The following MCF2L2 variants were observed in gnomAD, a reference collection of about 807,000 sequenced individuals.
The protein encoded by MCF2L2 is MCF.2 cell line derived transforming sequence-like 2, also known as probable guanine nucleotide exchange factor MCF2L2.
A neutral mutation model predicts 150.2 loss-of-function variants in MCF2L2; 102 were observed. The observed-to-expected ratio is 0.68, with a 90% CI of 0.58 to 0.80. The LOEUF (loss-of-function observed/expected upper bound fraction) is 0.80, where lower values mean the gene tolerates loss of function less well. Ranked by LOEUF, MCF2L2 falls within the 30% of genes least tolerant of loss-of-function variation. The pLI is 0.00. For missense variants in MCF2L2, 1,256 were observed against 1,372.8 expected (o/e 0.91, Z 1.34); for synonymous variants, 465 against 491.3 (o/e 0.95, Z 0.71).
intron 1 of MCF2L2, among the ~76,000 whole-genome samples, chr3:183,396,066 A>G (rs1714436151): frequency 6.7e-6 from 1 of 150,236 alleles, no homozygotes; most frequent in Non-Finnish European, 1.5e-5. Flanking sequence ...CCCCATGAAC[A>G]TATGTATTAA....
chr3:183,351,506 G>T (rs376536765), intron 3 of MCF2L2, among the ~76,000 whole-genome samples: 3 of 151,832 alleles, frequency 2.0e-5, no homozygotes, highest in African/African-American at 7.3e-5. Flanking sequence ...AGAAGTTCCT[G>T]GGACACATTA....
At chr3:183,220,217 G>A (rs572087372) in intron 20 of MCF2L2, among the ~76,000 whole-genome samples, 2 of 151,378 alleles carry the variant, frequency 1.3e-5, no homozygotes, top group African/African-American at 4.8e-5. Flanking sequence ...CTTTGATTGT[G>A]GTAGAGTGTT....
intron 22 of MCF2L2, among the ~76,000 whole-genome samples, chr3:183,210,002 A>G (rs556197305): frequency 1.3e-5 from 2 of 152,166 alleles, no homozygotes; most frequent in African/African-American, 2.4e-5. Flanking sequence ...TCAAACTTGT[A>G]GTTTCTATCT....
chr3:183,250,579 T>G (rs1316283290), intron 15 of MCF2L2, among the ~76,000 whole-genome samples: 1 of 150,024 alleles, frequency 6.7e-6, no homozygotes, highest in African/African-American at 2.5e-5. Context: ...AGAGCGATAC[T>G]TCGTTTCAAA....
chr3:183,184,000 CTGTTT>C (rs574651965), intron 27 of MCF2L2, among the ~76,000 whole-genome samples: 104 of 152,150 alleles, frequency 6.8e-4, no homozygotes, highest in African/African-American at 2.4e-3. Context: ...TATAGCAAAA[CTGTTT>C]TGTTTTGTTT....
intron 3 of MCF2L2, among the ~76,000 whole-genome samples, chr3:183,348,206 G>A (rs55733329): frequency 0.067 from 10,196 of 152,218 alleles, 791 homozygotes; most frequent in African/African-American, 0.19. Context: ...ATACACCATA[G>A]AATACTATGC....
chr3:183,367,789 CA>C (rs924309530), intron 3 of MCF2L2, among the ~76,000 whole-genome samples: 1 of 151,946 alleles, frequency 6.6e-6, no homozygotes, highest in African/African-American at 2.4e-5. Flanking sequence ...ATGTAACTAA[CA>C]AAAATGAGAG....
At position 183,179,660 on chromosome 3, in the gene MCF2L2, G is replaced by A. The variant is rs752239054; in HGVS notation, c.3138C>T (p.His1046=). Residue 1046 remains histidine, a synonymous_variant, in exon 29 of 30, where the codon CAC becomes CAT. Transcript: ENST00000328913. The surrounding 1 kb of genome is among the most constrained non-coding windows in gnomAD (Gnocchi z 4.2). ...LAGLFQSDDS[H]ETCSSKSAFL... is the part of the protein sequence containing the mutation. ...AAGCAGATTTGGAGGAACAGGTTTC[G>A]TGACTGTCGTCCGACTGGAAAAGGC... is the stretch of plus-strand genomic sequence containing the variant. 3 of 1,614,080 alleles carry A rather than the reference G, an allele frequency of 1.9e-6. No homozygotes were observed. Among genetic ancestry groups the A allele is most frequent in the South Asian group, 2.2e-5 (2 of 91,072 alleles).
At chr3:183,309,666 T>C (rs1418381966) in intron 10 of MCF2L2, 50 bp downstream of exon 10, 3 of 1,611,908 alleles carry the variant, frequency 1.9e-6, no homozygotes, top group African/African-American at 1.3e-5. Flanking sequence ...TGATCCATCA[T>C]TGTCCACAGC....
At chr3:183,301,123 C>T in intron 10 of MCF2L2, among the ~76,000 whole-genome samples, 1 of 151,730 alleles carries the variant, frequency 6.6e-6, no homozygotes, top group Admixed American at 6.6e-5. Flanking sequence ...TTTCCTACCT[C>T]TTTCTGCATG....
intron 1 of MCF2L2, among the ~76,000 whole-genome samples, chr3:183,403,780 TGTTCATAA>T (rs1714896672): frequency 6.6e-6 from 1 of 152,152 alleles, no homozygotes; most frequent in Admixed American, 6.5e-5. Context: ...GGTAAATAAA[TGTTCATAA>T]GGCATGAGAG....
chr3:183,200,307 A>C (rs11923987), intron 25 of MCF2L2, among the ~76,000 whole-genome samples: 3 of 151,936 alleles, frequency 2.0e-5, no homozygotes, highest in South Asian at 4.1e-4. Context: ...GACTTTTTAA[A>C]GATTGCCTTT....
intron 16 of MCF2L2, 88 bp from the exon 17 acceptor site, chr3:183,229,869 T>G (rs1240568437): frequency 6.9e-6 from 4 of 579,342 alleles, no homozygotes; most frequent in African/African-American, 1.9e-5. Flanking sequence ...AAAACTTTAG[T>G]GAAATGATTG....
chr3:183,324,605 C>T (rs2108522537), intron 5 of MCF2L2, among the ~76,000 whole-genome samples: 1 of 152,156 alleles, frequency 6.6e-6, no homozygotes, highest in East Asian at 1.9e-4. Context: ...CGGTGGTTTG[C>T]ACCTGTAATC....
intron 3 of MCF2L2, among the ~76,000 whole-genome samples, chr3:183,365,267 A>G (rs995302738): frequency 6.6e-6 from 1 of 152,212 alleles, no homozygotes. Context: ...TTTGCCCTAC[A>G]CTGATTTATA....
intron 3 of MCF2L2, among the ~76,000 whole-genome samples, chr3:183,345,762 CA>C (rs1366771138): frequency 6.6e-6 from 1 of 152,168 alleles, no homozygotes; most frequent in Admixed American, 6.5e-5. Context: ...CACAGAAAAA[CA>C]AACTACCATC....
rs2108509992 is a variant in MCF2L2, at chr3:183,311,656, G to A, written c.870C>T (p.Thr290=). 1.9e-6 allele frequency: 3 copies of A among 1,613,980 alleles called. No individual in the cohort carries two copies. In the South Asian group the frequency reaches 3.3e-5, roughly 18 times the overall value. ...LNLNQLENVT[T]MERLLVQLDE... ...CCACTTCACTCACTCACCTTTCCAT[G>A]GTAGTTACATTCTCAAGTTGGTTGA... The change falls in exon 8 of 30, where the codon ACC becomes ACT. Residue 290 remains threonine (T), a synonymous_variant. Transcript: ENST00000328913.
chr3:183,216,730 G>A (rs1256939257), intron 21 of MCF2L2, among the ~76,000 whole-genome samples: 12 of 148,578 alleles, frequency 8.1e-5, no homozygotes, highest in Admixed American at 4.0e-4. Context: ...TCAGCCTCCC[G>A]AGTAGCTGGG....
chr3:183,179,817 C>T lies in MCF2L2; in HGVS notation c.3106-125G>A, dbSNP rs1721454693. 1.2e-6 allele frequency: 1 copy of T among 848,142 alleles called. No individual in the cohort carries two copies. Among genetic ancestry groups the T allele is most frequent in the African/African-American group, 1.7e-5 (1 of 59,128 alleles). The allele number at this position is 848,142 out of a possible 1,614,324, so 52.5% of individuals were successfully genotyped here. ...CAGCCCTCCCACCTGGGCCACGGGGCTCTCAGCGGGAGCCCCAGTTATGAC... is the reference window on the plus strand; with the variant it reads ...CAGCCCTCCCACCTGGGCCACGGGGTTCTCAGCGGGAGCCCCAGTTATGAC... On this transcript the variant is annotated intron_variant, in intron 28 of 29. Coordinates refer to ENST00000328913, the MANE Select transcript of MCF2L2 (RefSeq NM_015078.4). This position sits in a 1 kb window ranked among gnomAD's most constrained non-coding sequence, Gnocchi z 4.2.
Sources: allele counts gnomAD v4.1 joint callset (sites outside exome capture counted in the v4.1 genomes callset), GRCh38; gene constraint gnomAD v4.1.1; non-coding constraint Gnocchi (gnomAD v3.1); transcripts MANE v1.5; gene names NCBI Gene and HGNC (gene_info 2026-07-23, HGNC 2026-07-21).